VPS53: variants seen among roughly 807,000 people sequenced by gnomAD.
The protein encoded by VPS53 is VPS53 subunit of GARP complex.
Under a neutral mutation model 107.0 loss-of-function variants are expected in VPS53, and 70 were observed. The ratio of observed to expected loss-of-function variants is 0.65; its 90% CI spans 0.54 to 0.80. The LOEUF (loss-of-function observed/expected upper bound fraction) is 0.80, where lower values mean the gene tolerates loss of function less well. VPS53 is among the 30% of genes least tolerant of loss of function. The pLI is 0.00. For missense variants in VPS53, 917 were observed against 1,049.4 expected (o/e 0.87, Z 1.74); for synonymous variants, 409 against 393.3 (o/e 1.04, Z -0.47).
chr17:684,336 C>A (rs1972507533), intron 4 of VPS53, among the ~76,000 whole-genome samples: 2 of 152,022 alleles, frequency 1.3e-5, no homozygotes, highest in African/African-American at 2.4e-5. Context: ...ATTCCTGAAA[C>A]TAATAAGTGA....
At chr17:527,209 C>A (rs1332835628) in intron 19 of VPS53, among the ~76,000 whole-genome samples, 1 of 152,226 alleles carries the variant, frequency 6.6e-6, no homozygotes, top group Non-Finnish European at 1.5e-5. Flanking sequence ...GCTCTCCTTT[C>A]CCTCTCAACA....
In VPS53 at chr17:627,422, G is replaced by A. The variant is rs991255703; in HGVS notation, c.832-106C>T. On this transcript the variant is annotated intron_variant, in intron 9 of 21. Transcript: ENST00000437048. Reference sequence around the variant, plus strand: ...GCCAAGCAAAAGGGAACCAACCTCTGTATTTCTCATGGTTTTAAAGAATCT... The same window carrying A: ...GCCAAGCAAAAGGGAACCAACCTCTATATTTCTCATGGTTTTAAAGAATCT... 12 of 1,309,406 alleles carry A rather than the reference G, an allele frequency of 9.2e-6. No homozygotes were observed. In the Admixed American group the frequency reaches 3.2e-4, roughly 35 times the overall value. The allele number at this position is 1,309,406 out of a possible 1,614,324, so 81.1% of individuals were successfully genotyped here.
intron 13 of VPS53, among the ~76,000 whole-genome samples, chr17:576,066 T>C (rs1257915005): frequency 6.7e-6 from 1 of 148,298 alleles, no homozygotes; most frequent in Non-Finnish European, 1.5e-5. Context: ...AGAACTTCAC[T>C]CAGGACCAAA....
intron 7 of VPS53, chr17:632,639 C>G: frequency 2.2e-6 from 1 of 448,714 alleles, no homozygotes; most frequent in Non-Finnish European, 4.5e-6. Flanking sequence ...TGCCCAGTAG[C>G]CATCCCAGTT....
At chr17:623,437 C>G in intron 11 of VPS53, 96 bp downstream of exon 11, 3 of 1,443,370 alleles carry the variant, frequency 2.1e-6, no homozygotes, top group Non-Finnish European at 2.8e-6. Flanking sequence ...GGTTAAGCAC[C>G]GAAGCCAATG....
At chr17:659,323 G>A (rs1282624968) in intron 5 of VPS53, among the ~76,000 whole-genome samples, 2 of 151,868 alleles carry the variant, frequency 1.3e-5, no homozygotes, top group Admixed American at 6.6e-5. Flanking sequence ...TCGCTCTGTC[G>A]CCCAGGCTGT....
intron 19 of VPS53, among the ~76,000 whole-genome samples, chr17:531,673 T>G (rs548290907): frequency 1.3e-5 from 2 of 152,242 alleles, no homozygotes; most frequent in East Asian, 3.9e-4. Context: ...ATGTTTTATT[T>G]TTTTTGAGAG....
At chr17:608,634 G>C (rs1036081022) in intron 11 of VPS53, among the ~76,000 whole-genome samples, 7 of 86,000 alleles carry the variant, frequency 8.1e-5, no homozygotes, top group African/African-American at 3.1e-4. Flanking sequence ...TTTTTTTTTT[G>C]AAACAGAGCC....
chr17:519,259 G>T lies in VPS53; in HGVS notation c.2368C>A (p.Leu790Met), dbSNP rs1468781011. 6.5e-7 allele frequency: 1 copy of T among 1,538,498 alleles called. No individual in the cohort carries two copies. The highest frequency in any genetic ancestry group is 2.5e-5 in the East Asian group (1 of 40,804). The change falls in exon 22 of 22, where the codon CTG (leucine) becomes ATG (methionine). Residue 790 changes from leucine to methionine, a missense_variant. Transcript: ENST00000437048. The surrounding 1 kb of genome is among the most constrained non-coding windows in gnomAD (Gnocchi z 5.0). ...RSEQSSMLEL[L>M]RQRLPAPPSG... ...GGCGGTGCGGGGAGCCGCTGGCGCA[G>T]GAGTTCCAGCATGCTGCTCTGCTCA...
chr17:572,549 C>T (rs1273227324), intron 13 of VPS53, among the ~76,000 whole-genome samples: 1 of 151,900 alleles, frequency 6.6e-6, no homozygotes, highest in African/African-American at 2.4e-5. Context: ...TTATTGAGAA[C>T]GGGCCATGAT....
chr17:624,825 G>A (rs1044713037), intron 10 of VPS53, among the ~76,000 whole-genome samples: 6 of 152,216 alleles, frequency 3.9e-5, no homozygotes, highest in East Asian at 1.9e-4. Flanking sequence ...GATTTAGAAG[G>A]TGACAATCTC....
chr17:604,224 G>A (rs138865708), intron 11 of VPS53, among the ~76,000 whole-genome samples: 126 of 152,258 alleles, frequency 8.3e-4, no homozygotes, highest in Non-Finnish European at 1.4e-3. Context: ...GACTGAGAAC[G>A]TTCCCGGGCT....
At chr17:709,265 GTT>G (rs903792039) in intron 2 of VPS53, among the ~76,000 whole-genome samples, 1 of 151,836 alleles carries the variant, frequency 6.6e-6, no homozygotes, top group African/African-American at 2.4e-5. Context: ...CGGCCACCAT[GTT>G]TGATCATCTC....
In VPS53 at chr17:627,546, G is replaced by C. The variant is rs147728854; in HGVS notation, c.832-230C>G. The stretch of plus-strand genomic sequence containing the variant: ...TAATCCCAGCACTTTGGGAGGCCGA[G>C]GTCAGCAGATCACCTGAGGTCAGTT... On this transcript the variant is annotated intron_variant, in intron 9 of 21. Coordinates refer to ENST00000437048, the MANE Select transcript of VPS53 (RefSeq NM_001128159.3). 3.2e-3 allele frequency among the ~76,000 whole-genome samples: 483 copies of C among 152,270 alleles called. 3 individuals are homozygous for C. Among genetic ancestry groups the C allele is most frequent in the African/African-American group, 0.011 (465 of 41,570 alleles).
At chr17:587,785 TA>T (rs1354187131) in intron 12 of VPS53, among the ~76,000 whole-genome samples, 1 of 152,208 alleles carries the variant, frequency 6.6e-6, no homozygotes, top group Non-Finnish European at 1.5e-5. Context: ...AATTTGCATG[TA>T]AATTGGCACC....
At chr17:635,939 CA>C (rs1870698004) in intron 7 of VPS53, among the ~76,000 whole-genome samples, 2 of 152,278 alleles carry the variant, frequency 1.3e-5, no homozygotes, top group South Asian at 4.1e-4. Flanking sequence ...TGAAGAAAGT[CA>C]TTGGTAGCTT....
intron 4 of VPS53, among the ~76,000 whole-genome samples, chr17:690,987 C>A (rs1972758409): frequency 6.6e-6 from 1 of 152,162 alleles, no homozygotes; most frequent in Non-Finnish European, 1.5e-5. Context: ...ATGAGCTCGG[C>A]CCAGAACAAA....
intron 4 of VPS53, among the ~76,000 whole-genome samples, chr17:691,760 G>C (rs193200972): frequency 6.6e-6 from 1 of 152,142 alleles, no homozygotes; most frequent in Admixed American, 6.5e-5. Flanking sequence ...CAGCCATCTC[G>C]GCTATTACAT....
At chr17:590,879 G>A (rs979546724) in intron 12 of VPS53, among the ~76,000 whole-genome samples, 1 of 151,774 alleles carries the variant, frequency 6.6e-6, no homozygotes, top group African/African-American at 2.4e-5. Context: ...GTATCAGGAT[G>A]ATGCTGGCCT....
Sources: gnomAD v4.1 joint callset for allele counts (sites outside exome capture counted in the v4.1 genomes callset) on GRCh38, gnomAD v4.1.1 for gene constraint, Gnocchi (gnomAD v3.1) non-coding constraint, MANE v1.5 for transcripts, NCBI Gene and HGNC (gene_info 2026-07-23, HGNC 2026-07-21) for gene names.